TBC1D4: variants seen among roughly 807,000 people sequenced by gnomAD.
TBC1D4 encodes TBC (Tre-2, BUB2, CDC16) domain-containing protein.
Under a neutral mutation model 142.5 loss-of-function variants are expected in TBC1D4, and 121 were observed. That is an observed-to-expected ratio of 0.85 (90% confidence interval 0.73 to 0.99). The LOEUF is 0.99. TBC1D4 is among the 50% of genes least tolerant of loss of function. The probability of loss-of-function intolerance (pLI) is 0.00; values close to 1 mark genes in which losing one functional copy is unlikely to be tolerated. For missense variants in TBC1D4, 1,475 were observed against 1,606.6 expected (o/e 0.92, Z 1.40); for synonymous variants, 630 against 628.2 (o/e 1.00, Z -0.04).
At chr13:75,460,100 G>A (rs1033128237) in intron 1 of TBC1D4, among the ~76,000 whole-genome samples, 3 of 151,984 alleles carry the variant, frequency 2.0e-5, no homozygotes, top group Non-Finnish European at 2.9e-5. Context: ...CCGAGATCGC[G>A]CCACTGCACT....
intron 1 of TBC1D4, among the ~76,000 whole-genome samples, chr13:75,368,585 T>A (rs898207708): frequency 2.0e-5 from 3 of 152,222 alleles, no homozygotes; most frequent in Non-Finnish European, 4.4e-5. Context: ...CTAAGTTCTC[T>A]CCTCTCATGC....
In TBC1D4 at chr13:75,356,061, T is replaced by C. The variant is rs1307378731; in HGVS notation, c.1275+86A>G. On this transcript the variant is annotated intron_variant, in intron 4 of 20. Coordinates refer to ENST00000377636, the MANE Select transcript of TBC1D4 (RefSeq NM_014832.5). ...TCTTCTTTTCCCATAGATAGCCATA[T>C]TGCAAGGCTTGGGCTCCTAAGAGAC... The C allele has an allele frequency of 5.1e-6, 5 of 976,106 alleles. No individual in the cohort carries two copies. The African/African-American group carries it at 8.0e-5, about 16-fold the overall frequency. 60.5% of individuals were successfully genotyped at this position (976,106 alleles called of 1,614,324 possible). A position where few individuals can be genotyped will look rare whatever the true frequency, so the allele number is the denominator to read the frequency against.
intron 7 of TBC1D4, among the ~76,000 whole-genome samples, chr13:75,340,237 T>C (rs933656973): frequency 1.3e-5 from 2 of 152,246 alleles, no homozygotes; most frequent in Non-Finnish European, 2.9e-5. Flanking sequence ...ACTAACAATA[T>C]GTGATTTGTT....
intron 1 of TBC1D4, among the ~76,000 whole-genome samples, chr13:75,367,208 A>C (rs928127322): frequency 6.6e-6 from 1 of 152,210 alleles, no homozygotes; most frequent in Non-Finnish European, 1.5e-5. Context: ...GAAACATTTT[A>C]ATTTTGATGA....
chr13:75,341,511 G>A lies in TBC1D4; in HGVS notation c.1485C>T (p.Ile495=), dbSNP rs753970216. The A allele has an allele frequency of 1.2e-6, 2 of 1,613,916 alleles. No individual in the cohort carries two copies. Among genetic ancestry groups the A allele is most frequent in the East Asian group, 4.5e-5 (2 of 44,838 alleles). ...ATAATGTTACCTGAACTCTTTCAAA[G>A]ATGTCAGCTTGCTCATTATCTGTCA... ...SSLTDNEQAD[I]FERVQKMKPV... Residue 495 remains isoleucine (I), a synonymous_variant, in exon 6 of 21, where the codon ATC becomes ATT. Coordinates refer to ENST00000377636, the MANE Select transcript of TBC1D4 (RefSeq NM_014832.5).
intron 1 of TBC1D4, among the ~76,000 whole-genome samples, chr13:75,471,601 G>T (rs954221178): frequency 6.6e-6 from 1 of 152,104 alleles, no homozygotes; most frequent in Non-Finnish European, 1.5e-5. Flanking sequence ...AGCCAGGTGT[G>T]GTGGCACACA....
chr13:75,328,096 TTCA>T lies in TBC1D4; in HGVS notation c.1732-273_1732-271del, dbSNP rs1879431546. On this transcript the variant is annotated intron_variant, in intron 8 of 20. Transcript: ENST00000377636. ...AGTTTGGTTACAAGATTACACGTTA[TTCA>T]TCCATAAGTTCAGTGAGGGCCCCAA... 2.6e-5 allele frequency among the ~76,000 whole-genome samples: 4 copies of T among 152,346 alleles called. No individual in the cohort carries two copies. The South Asian group carries it at 8.3e-4, about 32-fold the overall frequency.
intron 1 of TBC1D4, among the ~76,000 whole-genome samples, chr13:75,364,235 C>T (rs951795128): frequency 3.9e-5 from 6 of 152,314 alleles, no homozygotes; most frequent in African/African-American, 1.4e-4. Flanking sequence ...ATTTCTCCAA[C>T]ATACAAGGCA....
intron 3 of TBC1D4, among the ~76,000 whole-genome samples, chr13:75,357,822 T>C (rs2138152109): frequency 6.6e-6 from 1 of 152,300 alleles, no homozygotes. Flanking sequence ...ATGGCTAACC[T>C]GACAATTACC....
chr13:75,440,628 A>G (rs1461415664), intron 1 of TBC1D4, among the ~76,000 whole-genome samples: 3 of 151,866 alleles, frequency 2.0e-5, no homozygotes, highest in African/African-American at 7.2e-5. Flanking sequence ...ATAATGGCTC[A>G]CTGTAACCTT....
chr13:75,473,370 T>C (rs1314328627), intron 1 of TBC1D4, among the ~76,000 whole-genome samples: 1 of 152,210 alleles, frequency 6.6e-6, no homozygotes, highest in East Asian at 1.9e-4. Context: ...CAAAAGAAGA[T>C]ACAATTGTGA....
chr13:75,400,069 G>A (rs1443394230), intron 1 of TBC1D4, among the ~76,000 whole-genome samples: 3 of 152,166 alleles, frequency 2.0e-5, no homozygotes, highest in East Asian at 3.8e-4. Context: ...GAGTACAGAT[G>A]AGCCATCCAT....
At chr13:75,458,088 C>A (rs192165721) in intron 1 of TBC1D4, among the ~76,000 whole-genome samples, 1 of 152,278 alleles carries the variant, frequency 6.6e-6, no homozygotes, top group East Asian at 1.9e-4. Flanking sequence ...GCCTTTTACA[C>A]CCTCTCCTCT....
chr13:75,425,227 G>A (rs1247897437), intron 1 of TBC1D4, among the ~76,000 whole-genome samples: 2 of 151,986 alleles, frequency 1.3e-5, no homozygotes, highest in African/African-American at 4.8e-5. Flanking sequence ...GTCAATAGTT[G>A]TAAGAAAAAA....
intron 12 of TBC1D4, among the ~76,000 whole-genome samples, chr13:75,318,210 T>C (rs1310690861): frequency 6.6e-6 from 1 of 152,240 alleles, no homozygotes; most frequent in Non-Finnish European, 1.5e-5. Flanking sequence ...GCAACACAGA[T>C]ATACTTTGCA....
intron 1 of TBC1D4, among the ~76,000 whole-genome samples, chr13:75,371,058 GTAAGAAAGGT>G: frequency 6.6e-6 from 1 of 152,296 alleles, no homozygotes; most frequent in South Asian, 2.1e-4. Flanking sequence ...CTGAAGTCAA[GTAAGAAAGGT>G]TTCCAAAAGA....
chr13:75,372,561 A>C (rs1385292795), intron 1 of TBC1D4, among the ~76,000 whole-genome samples: 4 of 152,182 alleles, frequency 2.6e-5, no homozygotes, highest in Admixed American at 2.6e-4. Context: ...TGAGCCTCCA[A>C]GCCTGGCCCT....
At chr13:75,481,147 G>T in intron 1 of TBC1D4, 123 bp downstream of exon 1, 1 of 1,400,810 alleles carries the variant, frequency 7.1e-7, no homozygotes, top group Non-Finnish European at 9.4e-7. Context: ...CGCGCCACGT[G>T]GAGCGCGCGC....
intron 1 of TBC1D4, among the ~76,000 whole-genome samples, chr13:75,435,304 G>A (rs1285472657): frequency 2.0e-5 from 3 of 148,236 alleles, no homozygotes; most frequent in Non-Finnish European, 3.0e-5. Flanking sequence ...CTCCAGCCTG[G>A]GAGACAGAGG....
Sources: allele counts gnomAD v4.1 joint callset (sites outside exome capture counted in the v4.1 genomes callset), GRCh38; gene constraint gnomAD v4.1.1; transcripts MANE v1.5; gene names NCBI Gene and HGNC (gene_info 2026-07-23, HGNC 2026-07-21).